SNTA1: variants seen among roughly 807,000 people sequenced by gnomAD.
The protein encoded by SNTA1 is syntrophin alpha 1, also known as alpha-1-syntrophin.
Under a neutral mutation model 47.1 loss-of-function variants are expected in SNTA1, and 31 were observed. The ratio of observed to expected loss-of-function variants is 0.66; its 90% CI spans 0.49 to 0.89. The LOEUF (loss-of-function observed/expected upper bound fraction) is 0.89. Ranked by LOEUF, SNTA1 falls within the 40% of genes least tolerant of loss-of-function variation. The probability of loss-of-function intolerance (pLI) is 0.00; values close to 1 mark genes in which losing one functional copy is unlikely to be tolerated. For synonymous variants in SNTA1, 300 were observed against 313.6 expected (o/e 0.96, Z 0.46); for missense variants, 575 against 693.0 (o/e 0.83, Z 1.91).
chr20:33,429,759 A>AT (rs1424668714), intron 2 of SNTA1, among the ~76,000 whole-genome samples: 43 of 152,120 alleles, frequency 2.8e-4, no homozygotes, highest in Admixed American at 2.8e-3. Context: ...AATTATAGGC[A>AT]TGAGCCACTT....
intron 2 of SNTA1, among the ~76,000 whole-genome samples, chr20:33,438,301 A>G (rs548911028): frequency 1.3e-5 from 2 of 151,590 alleles, no homozygotes; most frequent in Admixed American, 6.6e-5. Flanking sequence ...TTCCATCTCA[A>G]AAAAAAAATA....
chr20:33,417,886 G>A lies in SNTA1; in HGVS notation c.534C>T (p.Asn178=), dbSNP rs893512920. The A allele has an allele frequency of 6.2e-7, 1 of 1,614,094 alleles. No individual in the cohort carries two copies. Among genetic ancestry groups the A allele is most frequent in the Admixed American group, 1.7e-5 (1 of 60,010 alleles). Residue 178 remains asparagine (N), a synonymous_variant, in exon 3 of 8, where the codon AAC becomes AAT. Coordinates refer to ENST00000217381, the MANE Select transcript of SNTA1 (RefSeq NM_003098.3). ...AGCCGACCGAGGTCCCACCAGTAGA[G>A]TTCTTGAAATACGGTGAGACGTCCT... The part of the protein sequence containing the change: ...YMKDVSPYFK[N]STGGTSVGWD...
chr20:33,431,009 GC>G (rs1253361160), intron 2 of SNTA1, among the ~76,000 whole-genome samples: 1 of 151,976 alleles, frequency 6.6e-6, no homozygotes, highest in Admixed American at 6.6e-5. Flanking sequence ...TGTAATCCCA[GC>G]ACGTCAGGAG....
At chr20:33,413,459 C>T (rs1159556337) in intron 3 of SNTA1, among the ~76,000 whole-genome samples, 1 of 151,986 alleles carries the variant, frequency 6.6e-6, no homozygotes, top group Admixed American at 6.6e-5. Context: ...CAAATATACA[C>T]ACACACTGAA....
chr20:33,433,337 T>C (rs907863808), intron 2 of SNTA1, among the ~76,000 whole-genome samples: 1 of 150,454 alleles, frequency 6.6e-6, no homozygotes, highest in Non-Finnish European at 1.5e-5. Context: ...CGATCTTGGC[T>C]CACTGAAACC....
intron 2 of SNTA1, among the ~76,000 whole-genome samples, chr20:33,420,802 A>T (rs1037790837): frequency 3.3e-5 from 5 of 152,070 alleles, no homozygotes; most frequent in African/African-American, 4.8e-5. Context: ...CAACATGGTG[A>T]AACCCTGTCT....
chr20:33,443,326 C>T lies in SNTA1; in HGVS notation c.295G>A (p.Gly99Ser). ...CCGCGCCCACCTTTGATGCTGATGCCCAGCCCACCGGCGTCGGCCTTGCGC... is the reference window on the plus strand; with the variant it reads ...CCGCGCCCACCTTTGATGCTGATGCTCAGCCCACCGGCGTCGGCCTTGCGC... Reference protein sequence around the residue: ...TVRKADAGGLGISIKGGRENK... With the variant: ...TVRKADAGGLSISIKGGRENK... The change falls in exon 1 of 8, where the codon GGC becomes AGC. Residue 99 changes from glycine to serine, a missense_variant. By Grantham distance (56) the Gly-to-Ser change is moderately conservative (BLOSUM62 0). Coordinates refer to ENST00000217381, the MANE Select transcript of SNTA1 (RefSeq NM_003098.3). 2.0e-6 allele frequency: 3 copies of T among 1,507,852 alleles called. No homozygotes were observed. Among genetic ancestry groups the T allele is most frequent in the Non-Finnish European group, 2.6e-6 (3 of 1,135,840 alleles). The allele number at this position is 1,507,852 out of a possible 1,614,324, so 93.4% of individuals were successfully genotyped here.
intron 2 of SNTA1, among the ~76,000 whole-genome samples, chr20:33,437,355 G>T (rs148774846): frequency 6.6e-6 from 1 of 150,862 alleles, no homozygotes; most frequent in African/African-American, 2.4e-5. Context: ...TGAGCCCCGG[G>T]GGGTGGAGGG....
chr20:33,417,124 T>TAATAA (rs886877306), intron 3 of SNTA1, among the ~76,000 whole-genome samples: 1 of 151,540 alleles, frequency 6.6e-6, no homozygotes, highest in Non-Finnish European at 1.5e-5. Flanking sequence ...TCAAAAATAA[T>TAATAA]AATAAAATAA....
Position 33,416,095 on chromosome 20 carries a change from G to A in SNTA1, c.701+1624C>T, listed in dbSNP as rs180929404. 5.9e-5 allele frequency among the ~76,000 whole-genome samples: 9 copies of A among 152,226 alleles called. No homozygotes were observed. In the East Asian group the frequency reaches 7.7e-4, roughly 13 times the overall value. Reference sequence around the variant, plus strand: ...TGCACTCCAGCCTGGGCAACAGAGCGATACTCCGTCTCAAAAACAAAAACA... The same window carrying A: ...TGCACTCCAGCCTGGGCAACAGAGCAATACTCCGTCTCAAAAACAAAAACA... On this transcript the variant is annotated intron_variant, in intron 3 of 7. Coordinates refer to ENST00000217381, the MANE Select transcript of SNTA1 (RefSeq NM_003098.3).
intron 5 of SNTA1, among the ~76,000 whole-genome samples, chr20:33,410,668 C>G (rs753753588): frequency 5.3e-5 from 8 of 152,214 alleles, no homozygotes; most frequent in Non-Finnish European, 1.2e-4. Context: ...TTAAATGTCA[C>G]CTCCTCTGAG....
intron 2 of SNTA1, among the ~76,000 whole-genome samples, chr20:33,428,349 C>T (rs901243009): frequency 7.2e-5 from 11 of 151,910 alleles, no homozygotes; most frequent in Admixed American, 1.3e-4. Context: ...GTCGAGGCTG[C>T]AGTGAGCAAT....
chr20:33,412,197 C>T, intron 5 of SNTA1, 99 bp downstream of exon 5: 1 of 1,345,990 alleles, frequency 7.4e-7, no homozygotes, highest in Non-Finnish European at 1.0e-6. Context: ...TGGGGAATAG[C>T]TGAGGGTGGA....
At chr20:33,432,988 G>A (rs771437545) in intron 2 of SNTA1, among the ~76,000 whole-genome samples, 34 of 151,970 alleles carry the variant, frequency 2.2e-4, no homozygotes, top group Non-Finnish European at 2.5e-4. Flanking sequence ...GGAATGCAGT[G>A]GTGCAATCTT....
chr20:33,415,118 A>G lies in SNTA1; in HGVS notation c.702-2336T>C, dbSNP rs566638660. Reference sequence around the variant, plus strand: ...CAGGCATGTACATGTTAAAACACACATGCACACACATATGTGCATACACAT... The same window carrying G: ...CAGGCATGTACATGTTAAAACACACGTGCACACACATATGTGCATACACAT... On this transcript the variant is annotated intron_variant, in intron 3 of 7. Transcript: ENST00000217381. Among the ~76,000 whole-genome samples the G allele has an allele frequency of 1.2e-3, 111 of 96,110 alleles. 2 individuals carry two copies. The South Asian group carries it at 0.04, about 35-fold the overall frequency. 63.1% of individuals were successfully genotyped at this position (96,110 alleles called of 152,430 possible).
In SNTA1 at chr20:33,408,846, A is replaced by C. The variant is rs771053140; in HGVS notation, c.1280T>G (p.Ile427Ser). ...NGRPCSLSVH[I>S]DKGFTLWAAE... Reference sequence around the variant, plus strand: ...CGCCCACAGTGTGAAGCCCTTGTCGATGTGCACAGACAGGCTGCAGGGACG... The same window carrying C: ...CGCCCACAGTGTGAAGCCCTTGTCGCTGTGCACAGACAGGCTGCAGGGACG... The change falls in exon 7 of 8, where the codon ATC becomes AGC. Residue 427 changes from isoleucine (I) to serine (S), a missense_variant. By Grantham distance (142) the Ile-to-Ser change is moderately radical. Transcript: ENST00000217381. The C allele has an allele frequency of 1.9e-6, 3 of 1,614,176 alleles. No homozygotes were observed. In the East Asian group the frequency reaches 6.7e-5, roughly 36 times the overall value.
intron 1 of SNTA1, among the ~76,000 whole-genome samples, chr20:33,442,235 T>A (rs1600867089): frequency 1.3e-5 from 2 of 151,912 alleles, no homozygotes; most frequent in Non-Finnish European, 2.9e-5. Flanking sequence ...TTCACCACCA[T>A]CCCCACCGCC....
intron 2 of SNTA1, among the ~76,000 whole-genome samples, chr20:33,418,925 C>G (rs953801186): frequency 6.6e-6 from 1 of 151,656 alleles, no homozygotes; most frequent in African/African-American, 2.4e-5. Flanking sequence ...ACCACCCTGG[C>G]CAACAAGGTG....
intron 3 of SNTA1, among the ~76,000 whole-genome samples, chr20:33,414,245 CAAAAAAAAAAAAAAA>C (rs56186098): frequency 3.4e-4 from 10 of 29,270 alleles, no homozygotes; most frequent in East Asian, 2.9e-3. Flanking sequence ...TCTCAAAAAC[CAAAAAAAAAAAAAAA>C]AAAAAAAAAA....
Sources: gnomAD v4.1 joint callset for allele counts (sites outside exome capture counted in the v4.1 genomes callset) on GRCh38, gnomAD v4.1.1 for gene constraint, MANE v1.5 for transcripts, NCBI Gene and HGNC (gene_info 2026-07-23, HGNC 2026-07-21) for gene names.